Variants in SH3GL2 observed in about 807,000 individuals in gnomAD.
SH3GL2 encodes the protein endophilin-A1.
A neutral mutation model predicts 46.0 loss-of-function variants in SH3GL2; 24 were observed. That is an observed-to-expected ratio of 0.52 (90% CI 0.38 to 0.73). SH3GL2 has a LOEUF of 0.73. Among genes scored for constraint, SH3GL2 ranks in the 30% least tolerant of loss-of-function variants. The pLI is 0.00. For missense variants in SH3GL2, 413 were observed against 424.2 expected, an observed-to-expected ratio of 0.97 and a Z score of 0.23; for synonymous variants, 196 against 147.1, an observed-to-expected ratio of 1.33 and a Z score of -2.40.
intron 1 of SH3GL2, among the ~76,000 whole-genome samples, chr9:17,585,178 C>T (rs1235468116): frequency 6.6e-6 from 1 of 152,084 alleles, no homozygotes; most frequent in East Asian, 1.9e-4. Flanking sequence ...GGGCTTTCTT[C>T]AGAGGAGTAG....
At chr9:17,684,959 A>T (rs1337483692) in intron 1 of SH3GL2, among the ~76,000 whole-genome samples, 1 of 152,182 alleles carries the variant, frequency 6.6e-6, no homozygotes, top group Admixed American at 6.6e-5. Flanking sequence ...TGAACTGACA[A>T]CTGCGATAAA....
intron 1 of SH3GL2, among the ~76,000 whole-genome samples, chr9:17,714,802 C>T (rs945521045): frequency 6.6e-6 from 1 of 151,698 alleles, no homozygotes; most frequent in Non-Finnish European, 1.5e-5. Context: ...ACATATATAA[C>T]CTGTAACATT....
intron 1 of SH3GL2, among the ~76,000 whole-genome samples, chr9:17,683,200 A>G (rs1411852931): frequency 6.6e-6 from 1 of 152,124 alleles, no homozygotes; most frequent in Non-Finnish European, 1.5e-5. Flanking sequence ...GTATCTCAGC[A>G]TGGGACCTGC....
intron 1 of SH3GL2, among the ~76,000 whole-genome samples, chr9:17,598,470 C>T (rs916321721): frequency 2.0e-5 from 3 of 152,140 alleles, no homozygotes; most frequent in East Asian, 1.9e-4. Flanking sequence ...CCTGAGGATG[C>T]GTCTTTAAAC....
chr9:17,663,400 A>G (rs1030477227), intron 1 of SH3GL2, among the ~76,000 whole-genome samples: 2 of 152,072 alleles, frequency 1.3e-5, no homozygotes, highest in Non-Finnish European at 2.9e-5. Context: ...TTTTAAAATT[A>G]TTTTCCCTCT....
chr9:17,623,344 G>T (rs1458202459), intron 1 of SH3GL2, among the ~76,000 whole-genome samples: 1 of 152,010 alleles, frequency 6.6e-6, no homozygotes, highest in Non-Finnish European at 1.5e-5. Context: ...TAGAGTTGTG[G>T]GATATGTGGC....
chr9:17,587,999 C>T (rs1358524892), intron 1 of SH3GL2, among the ~76,000 whole-genome samples: 1 of 151,830 alleles, frequency 6.6e-6, no homozygotes, highest in Admixed American at 6.6e-5. Flanking sequence ...CTTTTTTAGA[C>T]CTAATTTTCA....
intron 1 of SH3GL2, among the ~76,000 whole-genome samples, chr9:17,654,898 C>T (rs1188292421): frequency 6.6e-6 from 1 of 152,124 alleles, no homozygotes; most frequent in Non-Finnish European, 1.5e-5. Context: ...TAAATTGTTG[C>T]TTTTAATGAC....
intron 1 of SH3GL2, among the ~76,000 whole-genome samples, chr9:17,669,631 A>G (rs977200778): frequency 6.6e-6 from 1 of 152,148 alleles, no homozygotes; most frequent in African/African-American, 2.4e-5. Flanking sequence ...TATGGTATGG[A>G]TGGACCAGTT....
chr9:17,641,220 A>T (rs901419156), intron 1 of SH3GL2, among the ~76,000 whole-genome samples: 2 of 152,146 alleles, frequency 1.3e-5, no homozygotes, highest in Non-Finnish European at 2.9e-5. Context: ...TTTCCAAGCA[A>T]ACAGTTTTTC....
chr9:17,610,326 G>A (rs1033787566), intron 1 of SH3GL2, among the ~76,000 whole-genome samples: 8 of 151,926 alleles, frequency 5.3e-5, no homozygotes, highest in African/African-American at 1.9e-4. Context: ...GTTAGTGTAG[G>A]GCTCAGATCC....
chr9:17,714,971 G>C (rs1438486496), intron 1 of SH3GL2, among the ~76,000 whole-genome samples: 1 of 151,596 alleles, frequency 6.6e-6, no homozygotes, highest in African/African-American at 2.4e-5. Flanking sequence ...TGTTGCCTGT[G>C]TTTTTGGAAG....
chr9:17,609,437 G>A (rs1024884029), intron 1 of SH3GL2, among the ~76,000 whole-genome samples: 7 of 152,160 alleles, frequency 4.6e-5, no homozygotes, highest in South Asian at 2.1e-4. Flanking sequence ...ATATGCGTGC[G>A]TAAGCCAAGC....
At chr9:17,739,571 C>T (rs752768991) in intron 1 of SH3GL2, among the ~76,000 whole-genome samples, 2 of 151,986 alleles carry the variant, frequency 1.3e-5, no homozygotes, top group Non-Finnish European at 2.9e-5. Flanking sequence ...TGCCCCTTAT[C>T]TGATGATGAA....
At chr9:17,785,712 A>G (rs960868223) in intron 3 of SH3GL2, among the ~76,000 whole-genome samples, 3 of 152,012 alleles carry the variant, frequency 2.0e-5, no homozygotes, top group African/African-American at 7.3e-5. Flanking sequence ...TAAAAACAAA[A>G]ACAAAGAAAG....
chr9:17,665,402 C>G (rs1231356857), intron 1 of SH3GL2, among the ~76,000 whole-genome samples: 2 of 151,926 alleles, frequency 1.3e-5, no homozygotes, highest in African/African-American at 2.4e-5. Flanking sequence ...ATCCTTTTTT[C>G]TTTCGTGACC....
chr9:17,792,995 TATC>T (rs1824178345), intron 7 of SH3GL2, among the ~76,000 whole-genome samples: 1 of 152,216 alleles, frequency 6.6e-6, no homozygotes, highest in Non-Finnish European at 1.5e-5. Flanking sequence ...ATAATAATCA[TATC>T]ATGGAGAATG....
At chr9:17,772,578 A>G (rs974114816) in intron 3 of SH3GL2, among the ~76,000 whole-genome samples, 2 of 152,192 alleles carry the variant, frequency 1.3e-5, no homozygotes, top group Non-Finnish European at 2.9e-5. Context: ...ACTTCATGTA[A>G]GTGGAATCAC....
At chr9:17,714,585 T>C (rs949020695) in intron 1 of SH3GL2, among the ~76,000 whole-genome samples, 10 of 151,790 alleles carry the variant, frequency 6.6e-5, no homozygotes, top group African/African-American at 2.4e-4. Flanking sequence ...ATCTTTAACA[T>C]CACAGTTTAA....
Sources: gnomAD v4.1 joint callset for allele counts (sites outside exome capture counted in the v4.1 genomes callset) on GRCh38, gnomAD v4.1.1 for gene constraint, MANE v1.5 for transcripts, NCBI Gene and HGNC (gene_info 2026-07-23, HGNC 2026-07-21) for gene names.